The following SORCS1 variants were observed in gnomAD, a reference collection of about 807,000 sequenced individuals.
SORCS1 encodes sortilin related VPS10 domain containing receptor 1, also known as VPS10 domain-containing receptor SorCS1.
In SORCS1, 60 loss-of-function variants were observed where a neutral mutation model predicts 146.1. That is an observed-to-expected ratio of 0.41 (90% CI 0.33 to 0.51). SORCS1 has a LOEUF of 0.51. SORCS1 is among the 20% of genes least tolerant of loss of function. SORCS1 has a pLI of 0.21. For synonymous variants in SORCS1, 637 were observed against 584.0 expected (o/e 1.09, Z -1.31); for missense variants, 1,352 against 1,487.6 (o/e 0.91, Z 1.50).
chr10:106,843,873 C>T (rs2137175123), intron 2 of SORCS1, among the ~76,000 whole-genome samples: 1 of 152,240 alleles, frequency 6.6e-6, no homozygotes, highest in South Asian at 2.1e-4. Flanking sequence ...ACAGAAGCAC[C>T]AGCTATCTCA....
chr10:106,652,605 T>A, intron 17 of SORCS1, 52 bp from the exon 18 acceptor site: 2 of 1,584,970 alleles, frequency 1.3e-6, no homozygotes, highest in Non-Finnish European at 1.7e-6. Context: ...ATGTGAATCA[T>A]TCCCACTTTT....
rs575043437 is a variant in SORCS1, at chr10:106,933,240, C to T, written c.626+23273G>A. ...AGAAAAATAATGGGCCAAAGTTCATCGATTCTCTGTATTTTCCAGATTAAA... is the reference window on the plus strand; with the variant it reads ...AGAAAAATAATGGGCCAAAGTTCATTGATTCTCTGTATTTTCCAGATTAAA... On this transcript the variant is annotated intron_variant, in intron 2 of 25. Coordinates refer to ENST00000263054, the MANE Select transcript of SORCS1 (RefSeq NM_052918.5). Among the ~76,000 whole-genome samples, 77 of 152,274 alleles carry T rather than the reference C, an allele frequency of 5.1e-4. No homozygotes were observed. In the Middle Eastern group the frequency reaches 0.01, roughly 20 times the overall value.
At chr10:106,927,633 C>T (rs1055882081) in intron 2 of SORCS1, among the ~76,000 whole-genome samples, 4 of 152,144 alleles carry the variant, frequency 2.6e-5, no homozygotes, top group African/African-American at 9.7e-5. Flanking sequence ...TTTGACAGGG[C>T]ACTGATTGGT....
At position 106,878,620 on chromosome 10, in the gene SORCS1, G is replaced by GTGTATATATATATATATATATA. The variant is rs904386657; in HGVS notation, c.627-48948_627-48947insTATATATATATATATATATACA. ...AAATTTGTTTTTTATAAACTACCTAGTATATATATATATATATATATATAT... is the reference window on the plus strand; with the variant it reads ...AAATTTGTTTTTTATAAACTACCTAGTGTATATATATATATATATATATATATATATATATATATATATATAT... On this transcript the variant is annotated intron_variant, in intron 2 of 25. Transcript: ENST00000263054. Among the ~76,000 whole-genome samples the GTGTATATATATATATATATATA allele has an allele frequency of 1.7e-3, 148 of 84,906 alleles. 9 individuals carry two copies. The highest frequency in any genetic ancestry group is 5.4e-3 in the African/African-American group (117 of 21,772). 55.7% of individuals were successfully genotyped at this position (84,906 alleles called of 152,430 possible).
intron 2 of SORCS1, among the ~76,000 whole-genome samples, chr10:106,875,670 G>A (rs765144599): frequency 4.6e-5 from 7 of 152,104 alleles, no homozygotes; most frequent in African/African-American, 1.7e-4. Context: ...CAGGAGTAAG[G>A]TGTTATCTTA....
At chr10:106,679,201 G>A (rs577020250) in intron 12 of SORCS1, 55 bp downstream of exon 12, 4 of 1,427,702 alleles carry the variant, frequency 2.8e-6, no homozygotes, top group African/African-American at 2.8e-5. Context: ...GAACCAAGCT[G>A]GGCAATTTTT....
chr10:107,033,176 G>C (rs1958743888), intron 1 of SORCS1, among the ~76,000 whole-genome samples: 1 of 152,146 alleles, frequency 6.6e-6, no homozygotes, highest in Admixed American at 6.5e-5. Context: ...CAGCAGGAAA[G>C]AGAATGTGCG....
intron 19 of SORCS1, among the ~76,000 whole-genome samples, chr10:106,626,141 G>C (rs766468616): frequency 6.6e-6 from 1 of 152,080 alleles, no homozygotes; most frequent in African/African-American, 2.4e-5. Flanking sequence ...TTCTGCACTG[G>C]AGAGTGGTCG....
rs112595106 is a variant in SORCS1 at position 107,150,050 on chromosome 10, G to T, written c.558+13919C>A. Among the ~76,000 whole-genome samples, 127 of 152,230 alleles carry T rather than the reference G, an allele frequency of 8.3e-4. 1 individual carries two copies. The highest frequency in any genetic ancestry group is 3.0e-3 in the African/African-American group (123 of 41,528). On this transcript the variant is annotated intron_variant, in intron 1 of 25. Transcript: ENST00000263054. ...GTCATCTTTGCTCCCATAGCACTTT[G>T]CACAAAACTCTATTATGGCTATTAT...
At chr10:106,872,047 T>C (rs1319863576) in intron 2 of SORCS1, among the ~76,000 whole-genome samples, 2 of 152,224 alleles carry the variant, frequency 1.3e-5, no homozygotes, top group Non-Finnish European at 2.9e-5. Flanking sequence ...ATTGATGTCC[T>C]CATGGAGCTT....
chr10:106,760,376 A>C (rs191504057), intron 5 of SORCS1, among the ~76,000 whole-genome samples: 1 of 147,276 alleles, frequency 6.8e-6, no homozygotes, highest in African/African-American at 2.5e-5. Context: ...CCTGGGAGGC[A>C]GAGCTTGCAG....
chr10:107,041,656 C>T (rs1959160743), intron 1 of SORCS1, among the ~76,000 whole-genome samples: 4 of 151,996 alleles, frequency 2.6e-5, no homozygotes, highest in African/African-American at 9.7e-5. Flanking sequence ...CTATATTCAA[C>T]AGAATTTTAT....
chr10:106,646,073 T>C (rs11192992), intron 18 of SORCS1, among the ~76,000 whole-genome samples: 10,768 of 152,034 alleles, frequency 0.071, 447 homozygotes, highest in East Asian at 0.2. Context: ...AAGACCAGCC[T>C]GACCAACATG....
intron 19 of SORCS1, among the ~76,000 whole-genome samples, chr10:106,625,934 T>C (rs995776029): frequency 3.1e-4 from 47 of 152,134 alleles, no homozygotes; most frequent in African/African-American, 1.1e-3. Context: ...TCTCATTAGT[T>C]TGCAAACTAG....
chr10:107,065,362 C>T (rs1421945929), intron 1 of SORCS1, among the ~76,000 whole-genome samples: 2 of 150,698 alleles, frequency 1.3e-5, no homozygotes, highest in Non-Finnish European at 3.0e-5. Flanking sequence ...ACGGTTAACA[C>T]TGAGTGCTTC....
At chr10:107,100,874 G>T (rs1453213786) in intron 1 of SORCS1, among the ~76,000 whole-genome samples, 2 of 152,170 alleles carry the variant, frequency 1.3e-5, no homozygotes, top group African/African-American at 4.8e-5. Flanking sequence ...TTTCTGATGA[G>T]AAATAATGGA....
intron 2 of SORCS1, among the ~76,000 whole-genome samples, chr10:106,891,501 A>ATTTTTTTTTTT (rs562213104): frequency 1.4e-5 from 1 of 74,064 alleles, no homozygotes; most frequent in African/African-American, 6.0e-5. Flanking sequence ...TTCAATGGGA[A>ATTTTTTTTTTT]TTCTTTTTTT....
At chr10:107,041,626 G>T (rs1589998207) in intron 1 of SORCS1, among the ~76,000 whole-genome samples, 1 of 151,912 alleles carries the variant, frequency 6.6e-6, no homozygotes, top group South Asian at 2.1e-4. Flanking sequence ...TACACCCATG[G>T]TTTTTAAACA....
At chr10:106,588,633 G>A (rs1845390201) in intron 24 of SORCS1, among the ~76,000 whole-genome samples, 1 of 151,734 alleles carries the variant, frequency 6.6e-6, no homozygotes, top group Non-Finnish European at 1.5e-5. Context: ...AGGCCAAGGT[G>A]GGCAGATCAC....
Sources: allele counts gnomAD v4.1 joint callset (sites outside exome capture counted in the v4.1 genomes callset), GRCh38; gene constraint gnomAD v4.1.1; transcripts MANE v1.5; gene names NCBI Gene and HGNC (gene_info 2026-07-23, HGNC 2026-07-21).